The following GNAL variants were observed in gnomAD, a reference collection of about 807,000 sequenced individuals.
The protein encoded by GNAL is guanine nucleotide-binding protein G(olf) subunit alpha.
GNAL carries 18 observed loss-of-function variants against 55.1 expected under a neutral mutation model. The ratio of observed to expected loss-of-function variants is 0.33; its 90% confidence interval spans 0.23 to 0.48. The LOEUF (loss-of-function observed/expected upper bound fraction) is 0.48. Ranked by LOEUF, GNAL falls within the 20% of genes least tolerant of loss-of-function variation. GNAL has a pLI of 0.99. For synonymous variants in GNAL, 253 were observed against 237.0 expected (o/e 1.07, Z -0.62); for missense variants, 412 against 614.1 (o/e 0.67, Z 3.48).
intron 1 of GNAL, among the ~76,000 whole-genome samples, chr18:11,717,217 G>A (rs563877336): frequency 3.9e-5 from 6 of 152,346 alleles, no homozygotes; most frequent in Middle Eastern, 3.4e-3. Context: ...TGCGGGGTCC[G>A]CGGAGCCCAC....
intron 1 of GNAL, among the ~76,000 whole-genome samples, chr18:11,714,835 G>A (rs770907175): frequency 1.3e-5 from 2 of 152,178 alleles, no homozygotes; most frequent in African/African-American, 4.8e-5. Flanking sequence ...AGGGTCCCGA[G>A]ATTTTATTTT....
intron 10 of GNAL, 33 bp downstream of exon 10, chr18:11,872,431 G>T: frequency 7.2e-7 from 1 of 1,386,772 alleles, no homozygotes; most frequent in South Asian, 1.3e-5. Flanking sequence ...TATGATTGAG[G>T]AATAGAATTG....
intron 5 of GNAL, among the ~76,000 whole-genome samples, chr18:11,844,642 A>G (rs1213310723): frequency 6.6e-6 from 1 of 152,122 alleles, no homozygotes; most frequent in African/African-American, 2.4e-5. Context: ...GTCCCCGGGA[A>G]CAGCAGTGAA....
chr18:11,839,785 G>A (rs756850585), intron 5 of GNAL, among the ~76,000 whole-genome samples: 2 of 152,150 alleles, frequency 1.3e-5, no homozygotes, highest in Admixed American at 6.5e-5. Context: ...GAGCACAAGC[G>A]TTCTAGCTCA....
Position 11,752,695 on chromosome 18 carries a change from G to A in GNAL, c.377-158G>A. On this transcript the variant is annotated intron_variant, in intron 1 of 11. Coordinates refer to ENST00000334049, the MANE Select transcript of GNAL (RefSeq NM_182978.4). This position sits in a 1 kb window ranked among gnomAD's most constrained non-coding sequence, Gnocchi z 4.5. ...AGGGTCGCGCGCACCTCTGGGCCGCGGAGCCCAGACGGCGGCCGGGGCGAG... is the reference window on the plus strand; with the variant it reads ...AGGGTCGCGCGCACCTCTGGGCCGCAGAGCCCAGACGGCGGCCGGGGCGAG... The A allele has an allele frequency of 8.0e-7, 1 of 1,242,404 alleles. No homozygotes were observed. The allele number at this position is 1,242,404 out of a possible 1,614,324, so 77.0% of individuals were successfully genotyped here.
Position 11,753,695 on chromosome 18 carries a change from T to C in GNAL, c.504+13T>C, listed in dbSNP as rs1386961636. On this transcript the variant is annotated intron_variant, in intron 3 of 11. Coordinates refer to ENST00000334049, the MANE Select transcript of GNAL (RefSeq NM_182978.4). Reference sequence around the variant, plus strand: ...AGATGCTATCGTGGTAAGGACTTTTTTAAATGATTGTTTACTAGAAAGGTC... The same window carrying C: ...AGATGCTATCGTGGTAAGGACTTTTCTAAATGATTGTTTACTAGAAAGGTC... 2 of 1,571,232 alleles carry C rather than the reference T, an allele frequency of 1.3e-6. No homozygotes were observed. The highest frequency in any genetic ancestry group is 1.8e-6 in the Non-Finnish European group (2 of 1,141,114).
chr18:11,852,446 G>T (rs1044251196), intron 5 of GNAL: 5 of 266,518 alleles, frequency 1.9e-5, no homozygotes, highest in Admixed American at 1.0e-4. Flanking sequence ...GAAGGTGGTT[G>T]GTTTTTATTA....
intron 1 of GNAL, among the ~76,000 whole-genome samples, chr18:11,730,041 CTTTTT>C (rs924939523): frequency 6.8e-6 from 1 of 147,870 alleles, no homozygotes; most frequent in African/African-American, 2.5e-5. Context: ...CTTTTCTTTT[CTTTTT>C]TTTTTGAGAC....
intron 5 of GNAL, among the ~76,000 whole-genome samples, chr18:11,833,105 C>T (rs2035423691): frequency 6.6e-6 from 1 of 151,506 alleles, no homozygotes; most frequent in Non-Finnish European, 1.5e-5. Context: ...GATCTCCACT[C>T]ACTGCAACCT....
intron 1 of GNAL, among the ~76,000 whole-genome samples, chr18:11,724,364 T>C (rs551239955): frequency 6.6e-6 from 1 of 152,312 alleles, no homozygotes; most frequent in Admixed American, 6.5e-5. Flanking sequence ...ACAGGCTGCG[T>C]GGCTTATACA....
chr18:11,787,214 A>G (rs2143399711), intron 4 of GNAL, among the ~76,000 whole-genome samples: 1 of 152,326 alleles, frequency 6.6e-6, no homozygotes, highest in African/African-American at 2.4e-5. Context: ...ACTTCCCCAG[A>G]CAAATATAAA....
chr18:11,869,427 G>A (rs904828704), intron 9 of GNAL, among the ~76,000 whole-genome samples: 2 of 152,174 alleles, frequency 1.3e-5, no homozygotes, highest in African/African-American at 4.8e-5. Context: ...ACAGGCGTGA[G>A]CCACCGCACC....
At position 11,884,896 on chromosome 18, in the gene GNAL, T is replaced by G; in HGVS notation, c.*3761T>G. 7.7e-7 allele frequency: 1 copy of G among 1,306,610 alleles called. No homozygotes were observed. The highest frequency in any genetic ancestry group is 9.8e-7 in the Non-Finnish European group (1 of 1,017,148). 80.9% of individuals were successfully genotyped at this position (1,306,610 alleles called of 1,614,324 possible). A position where few individuals can be genotyped will look rare whatever the true frequency, so the allele number is the denominator to read the frequency against. ...ACACTGACCTGTCAAAACTGGCCCC[T>G]GGCTCACTGGGTTCCCATCAAATAT... is the stretch of plus-strand genomic sequence containing the variant. On this transcript the variant is annotated 3_prime_UTR_variant, in exon 12 of 12. Coordinates refer to ENST00000334049, the MANE Select transcript of GNAL (RefSeq NM_182978.4).
At chr18:11,805,367 T>G (rs529109538) in intron 4 of GNAL, among the ~76,000 whole-genome samples, 1 of 152,236 alleles carries the variant, frequency 6.6e-6, no homozygotes, top group South Asian at 2.1e-4. Context: ...ATGGAGGTAT[T>G]CTGTACTGGT....
intron 5 of GNAL, among the ~76,000 whole-genome samples, chr18:11,861,179 C>T (rs2036125756): frequency 6.6e-6 from 1 of 152,202 alleles, no homozygotes; most frequent in South Asian, 2.1e-4. Context: ...GGCCGTCCAT[C>T]CTCTCTCCTC....
chr18:11,775,427 G>C (rs1261506263), intron 4 of GNAL, among the ~76,000 whole-genome samples: 1 of 152,188 alleles, frequency 6.6e-6, no homozygotes, highest in Non-Finnish European at 1.5e-5. Context: ...ACACATGCAC[G>C]CCCCCGTGTA....
intron 4 of GNAL, among the ~76,000 whole-genome samples, chr18:11,768,399 C>T (rs1193641515): frequency 3.3e-5 from 5 of 152,000 alleles, no homozygotes; most frequent in African/African-American, 9.7e-5. Context: ...GTCAGGAGTT[C>T]GAGACCAGCC....
At chr18:11,737,759 C>A (rs544524924) in intron 1 of GNAL, among the ~76,000 whole-genome samples, 1 of 152,368 alleles carries the variant, frequency 6.6e-6, no homozygotes, top group South Asian at 2.1e-4. Context: ...AGGGACATAT[C>A]AGCCCAGAGG....
At chr18:11,755,640 T>C (rs1312914677) in intron 4 of GNAL, among the ~76,000 whole-genome samples, 1 of 152,198 alleles carries the variant, frequency 6.6e-6, no homozygotes, top group Non-Finnish European at 1.5e-5. Context: ...CTGATAAGCA[T>C]GCCAGTGTAG....
Sources: gnomAD v4.1 joint callset for allele counts (sites outside exome capture counted in the v4.1 genomes callset) on GRCh38, gnomAD v4.1.1 for gene constraint, Gnocchi (gnomAD v3.1) non-coding constraint, MANE v1.5 for transcripts, NCBI Gene and HGNC (gene_info 2026-07-23, HGNC 2026-07-21) for gene names.